TRPM3: variants seen among roughly 807,000 people sequenced by gnomAD.
TRPM3 encodes the protein transient receptor potential cation channel subfamily M member 3, also known as long transient receptor potential channel 3.
In TRPM3, 77 loss-of-function variants were observed where a neutral mutation model predicts 181.2. The ratio of observed to expected loss-of-function variants is 0.42; its 90% CI spans 0.35 to 0.51. The LOEUF (loss-of-function observed/expected upper bound fraction) is 0.51. TRPM3 is among the 20% of genes least tolerant of loss of function. TRPM3 has a pLI of 0.01. For missense variants in TRPM3, 1,759 were observed against 2,196.7 expected (o/e 0.80, Z 3.98); for synonymous variants, 745 against 796.4 (o/e 0.94, Z 1.09).
chr9:70,953,240 T>A (rs892791825), intron 1 of TRPM3, among the ~76,000 whole-genome samples: 1 of 152,180 alleles, frequency 6.6e-6, no homozygotes, highest in East Asian at 1.9e-4. Flanking sequence ...GTGCTTTTGT[T>A]TTTCCACAGT....
Position 70,536,721 on chromosome 9 carries a change from G to C in TRPM3, c.4392C>G (p.Asp1464Glu). 5 of 1,614,186 alleles carry C rather than the reference G, an allele frequency of 3.1e-6. No homozygotes were observed. The highest frequency in any genetic ancestry group is 4.2e-6 in the Non-Finnish European group (5 of 1,180,046). The change falls in exon 26 of 26, where the codon GAC (aspartate) becomes GAG (glutamate). Residue 1464 changes from aspartate (D) to glutamate (E), a missense_variant. Around this residue, in one of 8 missense-constraint regions of TRPM3, gnomAD observed 612 missense variants for 590.0 expected, o/e 1.04. Transcript: ENST00000677713. ...AATCAATGCTCCGGCTTGGAGGTCT[G>C]TCTGTGGGTGCAAGTGTTGCATAGG... is the stretch of plus-strand genomic sequence containing the variant. ...SSAYATLAPT[D>E]RPPSRSIDFE...
intron 1 of TRPM3, among the ~76,000 whole-genome samples, chr9:71,222,487 A>T: frequency 6.6e-6 from 1 of 152,202 alleles, no homozygotes; most frequent in African/African-American, 2.4e-5. Flanking sequence ...AAGTGCTTGT[A>T]GGGTTGAGGA....
intron 1 of TRPM3, among the ~76,000 whole-genome samples, chr9:71,201,643 C>T (rs2078800828): frequency 3.3e-5 from 5 of 152,200 alleles, no homozygotes. Flanking sequence ...ATCACTGATA[C>T]CCTTTCTTCC....
At chr9:71,125,219 A>G (rs2073957732), upstream of TRPM3, among the ~76,000 whole-genome samples, 1 of 152,058 alleles carries the variant, frequency 6.6e-6, no homozygotes, top group South Asian at 2.1e-4. Context: ...ATTTTACTTT[A>G]AGTTCCAGTA....
At chr9:70,786,881 T>G (rs2083767671) in intron 6 of TRPM3, among the ~76,000 whole-genome samples, 1 of 152,160 alleles carries the variant, frequency 6.6e-6, no homozygotes, top group South Asian at 2.1e-4. Flanking sequence ...GACTCTTGGA[T>G]TCTGTCGGTG....
intron 1 of TRPM3, among the ~76,000 whole-genome samples, chr9:71,101,812 T>C (rs561224939): frequency 6.6e-6 from 1 of 152,194 alleles, no homozygotes; most frequent in African/African-American, 2.4e-5. Flanking sequence ...ATTTAGGTCA[T>C]TGGCTCCTGT....
At chr9:71,157,173 A>C (rs1285985304) in intron 1 of TRPM3, among the ~76,000 whole-genome samples, 1 of 152,178 alleles carries the variant, frequency 6.6e-6, no homozygotes, top group African/African-American at 2.4e-5. Context: ...ATAACAGTAC[A>C]TTATCAACAA....
At chr9:70,968,254 CTTAAAGA>C (rs1190043802) in intron 1 of TRPM3, among the ~76,000 whole-genome samples, 3 of 151,952 alleles carry the variant, frequency 2.0e-5, no homozygotes, top group Non-Finnish European at 4.4e-5. Context: ...AGCAAAAACA[CTTAAAGA>C]TTAATGTCAC....
At chr9:70,590,684 G>A (rs2057967892) in intron 22 of TRPM3, among the ~76,000 whole-genome samples, 1 of 152,202 alleles carries the variant, frequency 6.6e-6, no homozygotes, top group Non-Finnish European at 1.5e-5. Context: ...GGGAGGTAGT[G>A]ACATAAAATA....
In TRPM3 at chr9:70,971,758, G is replaced by T. The variant is rs142735161; in HGVS notation, c.178-107247C>A. On this transcript the variant is annotated intron_variant, in intron 1 of 25. Transcript: ENST00000677713. ...GAGGTAAGGAACCATTTGGGAAGTA[G>T]ATTGTACTGGGGACACTTCCAGTGA... is the stretch of plus-strand genomic sequence containing the variant. Among the ~76,000 whole-genome samples, 356 of 152,292 alleles carry T rather than the reference G, an allele frequency of 2.3e-3. 2 individuals carry two copies. The highest frequency in any genetic ancestry group is 7.8e-3 in the African/African-American group (326 of 41,556).
At chr9:71,027,074 T>C (rs2056642106) in intron 1 of TRPM3, among the ~76,000 whole-genome samples, 1 of 152,160 alleles carries the variant, frequency 6.6e-6, no homozygotes, top group Non-Finnish European at 1.5e-5. Flanking sequence ...ATCAAAGTGT[T>C]GTGACCAGCA....
chr9:71,082,686 C>T lies in TRPM3; in HGVS notation c.177+38492G>A, dbSNP rs547332395. On this transcript the variant is annotated intron_variant, in intron 1 of 25. Coordinates refer to ENST00000677713, the MANE Select transcript of TRPM3 (RefSeq NM_001366145.2). The stretch of plus-strand genomic sequence containing the variant: ...TAGTGGACTAAATTATCTCACACAG[C>T]CTTATATCCTGTCAAATCAAGGTTG... Among the ~76,000 whole-genome samples the T allele has an allele frequency of 2.6e-5, 4 of 152,186 alleles. No individual in the cohort carries two copies. In the South Asian group the frequency reaches 8.3e-4, roughly 32 times the overall value.
At chr9:70,567,518 T>A (rs2050936675) in intron 22 of TRPM3, among the ~76,000 whole-genome samples, 2 of 148,074 alleles carry the variant, frequency 1.4e-5, no homozygotes, top group Non-Finnish European at 3.0e-5. Context: ...TAACCTACAT[T>A]TTTTTTTAAA....
intron 19 of TRPM3, among the ~76,000 whole-genome samples, chr9:70,608,850 A>AAAT (rs773612501): frequency 3.1e-4 from 47 of 152,156 alleles, no homozygotes; most frequent in Non-Finnish European, 1.5e-5. Context: ...CTAAATAAAT[A>AAAT]AATATTATCT....
intron 1 of TRPM3, among the ~76,000 whole-genome samples, chr9:71,437,202 G>C (rs769469257): frequency 4.6e-5 from 7 of 152,064 alleles, no homozygotes; most frequent in Non-Finnish European, 8.8e-5. Flanking sequence ...AGTTGATGAA[G>C]GAAGTTTCTG....
At chr9:71,348,366 G>C (rs1015954836) in intron 1 of TRPM3, among the ~76,000 whole-genome samples, 1 of 151,506 alleles carries the variant, frequency 6.6e-6, no homozygotes, top group South Asian at 2.1e-4. Flanking sequence ...ACTTTCTCCT[G>C]TATAGTTGTT....
chr9:70,625,399 C>A lies in TRPM3; in HGVS notation c.1669-68G>T. The A allele has an allele frequency of 6.2e-7, 1 of 1,600,380 alleles. No individual in the cohort carries two copies. The highest frequency in any genetic ancestry group is 8.5e-7 in the Non-Finnish European group (1 of 1,172,772). ...ACGTGGTTTACTAGGGATTCTACTT[C>A]ACGTATTCTGTAACTAGAGTAAAAA... On this transcript the variant is annotated intron_variant, in intron 13 of 25. Transcript: ENST00000677713. The surrounding 1 kb of genome is among the most constrained non-coding windows in gnomAD (Gnocchi z 4.8).
At chr9:71,222,901 T>G (rs1278532370) in intron 1 of TRPM3, among the ~76,000 whole-genome samples, 1 of 152,140 alleles carries the variant, frequency 6.6e-6, no homozygotes, top group East Asian at 1.9e-4. Context: ...GAACTTGAGT[T>G]TCAGCAAGCC....
intron 22 of TRPM3, among the ~76,000 whole-genome samples, chr9:70,572,037 G>C (rs571940973): frequency 2.6e-5 from 4 of 151,952 alleles, no homozygotes; most frequent in Admixed American, 2.6e-4. Context: ...AGTGGTTCCC[G>C]GACGTCTTTG....
Sources: gnomAD v4.1 joint callset for allele counts (sites outside exome capture counted in the v4.1 genomes callset) on GRCh38, gnomAD v4.1.1 for gene constraint, gnomAD v4.1.1 regional missense constraint, Gnocchi (gnomAD v3.1) non-coding constraint, MANE v1.5 for transcripts, NCBI Gene and HGNC (gene_info 2026-07-23, HGNC 2026-07-21) for gene names.